The following UTRN variants were observed in gnomAD, a reference collection of about 807,000 sequenced individuals.
UTRN encodes dystrophin-related protein 1.
In UTRN, 283 loss-of-function variants were observed where a neutral mutation model predicts 463.9. The ratio of observed to expected loss-of-function variants is 0.61; its 90% CI spans 0.55 to 0.67. UTRN has a LOEUF of 0.67. UTRN is among the 30% of genes least tolerant of loss of function. The pLI is 0.00. For missense variants in UTRN, 3,922 were observed against 4,084.3 expected, an observed-to-expected ratio of 0.96 and a Z score of 1.08; for synonymous variants, 1,442 against 1,431.5, an observed-to-expected ratio of 1.01 and a Z score of -0.17.
chr6:144,423,698 C>A, intron 5 of UTRN, 72 bp downstream of exon 5: 1 of 1,506,840 alleles, frequency 6.6e-7, no homozygotes, highest in Non-Finnish European at 9.2e-7. Flanking sequence ...TCACCAACTG[C>A]TTGATGCATT....
chr6:144,407,996 CA>C (rs1382976678), intron 3 of UTRN, among the ~76,000 whole-genome samples: 1 of 152,136 alleles, frequency 6.6e-6, no homozygotes, highest in Non-Finnish European at 1.5e-5. Flanking sequence ...AATTATTAGT[CA>C]ATTTTTTCAG....
intron 60 of UTRN, among the ~76,000 whole-genome samples, chr6:144,779,219 C>T (rs1775601576): frequency 6.6e-6 from 1 of 152,192 alleles, no homozygotes; most frequent in Admixed American, 6.5e-5. Context: ...AGAAAACTTA[C>T]AGCCTTTTGG....
chr6:144,818,971 C>A (rs1221227449), intron 65 of UTRN, among the ~76,000 whole-genome samples: 1 of 151,446 alleles, frequency 6.6e-6, no homozygotes, highest in East Asian at 1.9e-4. Context: ...CCTTTTTTCT[C>A]CACAGGGTTT....
At position 144,568,115 on chromosome 6, in the gene UTRN, G is replaced by T. The variant is rs1380884267; in HGVS notation, c.7290-8984G>T. ...AAAAAAAATCCTACTTCCCTTTACTGTAAAGTGTTATAAATCTGTCACCCG... is the reference window on the plus strand; with the variant it reads ...AAAAAAAATCCTACTTCCCTTTACTTTAAAGTGTTATAAATCTGTCACCCG... On this transcript the variant is annotated intron_variant, in intron 50 of 74. Coordinates refer to ENST00000367545, the MANE Select transcript of UTRN (RefSeq NM_007124.3). Among the ~76,000 whole-genome samples, 3 of 152,068 alleles carry T rather than the reference G, an allele frequency of 2.0e-5. No individual in the cohort carries two copies. In the East Asian group the frequency reaches 5.8e-4, roughly 29 times the overall value.
At chr6:144,410,672 A>G (rs1295229230) in intron 3 of UTRN, among the ~76,000 whole-genome samples, 1 of 151,528 alleles carries the variant, frequency 6.6e-6, no homozygotes, top group Non-Finnish European at 1.5e-5. Flanking sequence ...AGAACATATG[A>G]TGTTTGGTTG....
chr6:144,672,443 T>A (rs1400417553), intron 51 of UTRN, among the ~76,000 whole-genome samples: 2 of 152,104 alleles, frequency 1.3e-5, no homozygotes, highest in East Asian at 3.9e-4. Context: ...CTTATGTGTG[T>A]AAAGGTGTTC....
Position 144,499,369 on chromosome 6 carries a change from A to G in UTRN, c.4706A>G (p.Gln1569Arg), listed in dbSNP as rs1793969322. Residue 1569 changes from glutamine to arginine, a missense_variant, in exon 34 of 75, where the codon CAG (glutamine) becomes CGG (arginine). Around this residue, in one of 3 missense-constraint regions of UTRN, gnomAD observed 2,349 missense variants for 2,303.8 expected, o/e 1.02. Transcript: ENST00000367545. ...TCTGCTACTGAAACTGAATTGGTAC[A>G]GAAGTCCACTTCAGAAGGTCTGCTT... ...WLSATETELV[Q>R]KSTSEGLLGD... is the part of the protein sequence containing the mutation. 1.9e-6 allele frequency: 3 copies of G among 1,613,474 alleles called. No individual in the cohort carries two copies. Among genetic ancestry groups the G allele is most frequent in the Admixed American group, 3.3e-5 (2 of 60,006 alleles).
At chr6:144,331,664 C>G (rs1351718796) in intron 2 of UTRN, among the ~76,000 whole-genome samples, 2 of 152,172 alleles carry the variant, frequency 1.3e-5, no homozygotes, top group Non-Finnish European at 2.9e-5. Context: ...GGGAGGCAGA[C>G]AAGCAAGATC....
intron 37 of UTRN, 130 bp from the exon 38 acceptor site, chr6:144,516,099 A>C (rs1795589385): frequency 5.5e-6 from 5 of 912,158 alleles, no homozygotes; most frequent in Non-Finnish European, 8.2e-6. Context: ...AATGAAACAA[A>C]AGTTAGCTGA....
At chr6:144,778,303 G>T (rs868088462) in intron 60 of UTRN, among the ~76,000 whole-genome samples, 1 of 152,054 alleles carries the variant, frequency 6.6e-6, no homozygotes, top group Non-Finnish European at 1.5e-5. Flanking sequence ...GAAGAAGGAA[G>T]GATGTTAGGA....
Position 144,538,185 on chromosome 6 carries a change from G to C in UTRN, c.6369+468G>C, listed in dbSNP as rs141066341. The stretch of plus-strand genomic sequence containing the variant: ...TTGTATTAATCAGATTTTCTTTGTT[G>C]GTTTGCAACTAACAAGTATTGTTTA... On this transcript the variant is annotated intron_variant, in intron 44 of 74. Transcript: ENST00000367545. Among the ~76,000 whole-genome samples the C allele has an allele frequency of 3.1e-3, 478 of 151,848 alleles. 10 individuals carry two copies. The highest frequency in any genetic ancestry group is 0.022 in the East Asian group (116 of 5,170).
chr6:144,542,937 C>CT, intron 46 of UTRN, 67 bp downstream of exon 46: 1 of 1,322,944 alleles, frequency 7.6e-7, no homozygotes, highest in South Asian at 1.3e-5. Flanking sequence ...TGATATGAGC[C>CT]TCATACATGA....
chr6:144,574,662 C>A (rs1046090515), intron 50 of UTRN, among the ~76,000 whole-genome samples: 3 of 152,140 alleles, frequency 2.0e-5, no homozygotes, highest in African/African-American at 7.2e-5. Flanking sequence ...CTCACTGCAA[C>A]CTCTGCCTCC....
intron 33 of UTRN, among the ~76,000 whole-genome samples, 189 bp from the exon 34 acceptor site, chr6:144,499,068 C>G (rs1585026360): frequency 6.6e-6 from 1 of 152,214 alleles, no homozygotes; most frequent in Admixed American, 6.5e-5. Context: ...TGGCACTTAA[C>G]CACTACAGCA....
At chr6:144,477,869 C>CTTTATCTA (rs150288402) in intron 25 of UTRN, among the ~76,000 whole-genome samples, 3,923 of 148,854 alleles carry the variant, frequency 0.026, 113 homozygotes, top group African/African-American at 0.076. Context: ...AAGTTTGTAT[C>CTTTATCTA]TCTATCTATC....
At chr6:144,544,801 G>T (rs757366240) in intron 46 of UTRN, among the ~76,000 whole-genome samples, 1 of 151,940 alleles carries the variant, frequency 6.6e-6, no homozygotes, top group Non-Finnish European at 1.5e-5. Context: ...TCAGTGAAAG[G>T]GTTATTATCT....
At chr6:144,435,322 A>T (rs1348189007) in intron 9 of UTRN, among the ~76,000 whole-genome samples, 2 of 152,232 alleles carry the variant, frequency 1.3e-5, no homozygotes, top group Non-Finnish European at 2.9e-5. Flanking sequence ...TCAGTTATTT[A>T]GAAAGAGGTT....
chr6:144,710,692 T>C (rs913769625), intron 53 of UTRN, among the ~76,000 whole-genome samples: 3 of 152,334 alleles, frequency 2.0e-5, no homozygotes, highest in African/African-American at 7.2e-5. Context: ...GTGGCTGATA[T>C]CTTTTCCCAT....
chr6:144,397,233 A>G (rs1782520389), intron 2 of UTRN, among the ~76,000 whole-genome samples: 1 of 151,816 alleles, frequency 6.6e-6, no homozygotes, highest in African/African-American at 2.4e-5. Context: ...AATAAGAGCG[A>G]AACTCGGTCT....
Sources: gnomAD v4.1 joint callset for allele counts (sites outside exome capture counted in the v4.1 genomes callset) on GRCh38, gnomAD v4.1.1 for gene constraint, gnomAD v4.1.1 regional missense constraint, MANE v1.5 for transcripts, NCBI Gene and HGNC (gene_info 2026-07-23, HGNC 2026-07-21) for gene names.